The following PCDHAC1 variants were observed in gnomAD, a reference collection of about 807,000 sequenced individuals.
PCDHAC1 encodes the protein protocadherin alpha-C1.
In PCDHAC1, 42 loss-of-function variants were observed where a neutral mutation model predicts 60.0. The observed-to-expected ratio is 0.70, with a 90% CI of 0.55 to 0.90. The LOEUF (loss-of-function observed/expected upper bound fraction) is 0.90, where lower values mean the gene tolerates loss of function less well. Among genes scored for constraint, PCDHAC1 ranks in the 40% least tolerant of loss-of-function variants. PCDHAC1 has a pLI of 0.00. For synonymous variants in PCDHAC1, 468 were observed against 499.3 expected, an observed-to-expected ratio of 0.94 and a Z score of 0.84; for missense variants, 1,160 against 1,222.3, an observed-to-expected ratio of 0.95 and a Z score of 0.76.
chr5:140,935,995 C>T (rs1282709145), intron 1 of PCDHAC1, among the ~76,000 whole-genome samples: 7 of 150,888 alleles, frequency 4.6e-5, no homozygotes, highest in South Asian at 2.1e-4. Context: ...CGGGTTCAAG[C>T]GATTCTCCCA....
chr5:140,967,757 T>C, intron 1 of PCDHAC1: 1 of 1,614,216 alleles, frequency 6.2e-7, no homozygotes, highest in Non-Finnish European at 8.5e-7. Flanking sequence ...AGCCTCCTCC[T>C]ACCAGATCTA....
chr5:141,000,912 A>G (rs1434885581), intron 3 of PCDHAC1, among the ~76,000 whole-genome samples: 1 of 152,194 alleles, frequency 6.6e-6, no homozygotes, highest in East Asian at 1.9e-4. Context: ...TGTCTCTAAA[A>G]AAAAAAATCC....
intron 1 of PCDHAC1, among the ~76,000 whole-genome samples, chr5:140,955,906 G>T (rs1044355938): frequency 2.0e-5 from 3 of 152,040 alleles, no homozygotes; most frequent in East Asian, 3.9e-4. Flanking sequence ...TCTCTTTGTA[G>T]CAATTGTGAA....
intron 3 of PCDHAC1, among the ~76,000 whole-genome samples, chr5:141,003,410 C>T (rs1282162216): frequency 1.3e-5 from 2 of 152,110 alleles, no homozygotes; most frequent in Non-Finnish European, 2.9e-5. Flanking sequence ...CTCCCGGGTT[C>T]GAGTGATTCT....
intron 1 of PCDHAC1, among the ~76,000 whole-genome samples, chr5:140,976,876 G>A (rs1166300025): frequency 6.6e-6 from 1 of 152,160 alleles, no homozygotes; most frequent in Non-Finnish European, 1.5e-5. Flanking sequence ...GACAAAGAAA[G>A]AATTAGGATA....
intron 3 of PCDHAC1, among the ~76,000 whole-genome samples, chr5:140,988,127 C>T (rs1285717954): frequency 2.0e-5 from 3 of 152,120 alleles, no homozygotes; most frequent in African/African-American, 7.2e-5. Flanking sequence ...GCATGCTGTT[C>T]CACTAACCTG....
intron 3 of PCDHAC1, among the ~76,000 whole-genome samples, chr5:140,999,171 C>T (rs1482438264): frequency 1.3e-5 from 2 of 152,054 alleles, no homozygotes; most frequent in African/African-American, 4.8e-5. Context: ...AGGAAAAGAG[C>T]CTGATGGGGA....
At chr5:140,996,296 T>C (rs1252218880) in intron 3 of PCDHAC1, among the ~76,000 whole-genome samples, 1 of 152,158 alleles carries the variant, frequency 6.6e-6, no homozygotes, top group African/African-American at 2.4e-5. Context: ...GAAGCACAGA[T>C]TGTAACAAAG....
At chr5:140,998,054 A>G (rs562918919) in intron 3 of PCDHAC1, among the ~76,000 whole-genome samples, 37 of 152,304 alleles carry the variant, frequency 2.4e-4, no homozygotes, top group African/African-American at 8.9e-4. Flanking sequence ...CAGTGACATC[A>G]TCATCAACAG....
intron 1 of PCDHAC1, among the ~76,000 whole-genome samples, chr5:140,941,193 TTCTTTCTTC>T (rs1563183581): frequency 8.6e-6 from 1 of 116,638 alleles, no homozygotes; most frequent in Non-Finnish European, 1.8e-5. Flanking sequence ...TTCTTTTTTT[TTCTTTCTTC>T]CTTTCTTTCT....
intron 1 of PCDHAC1, among the ~76,000 whole-genome samples, chr5:140,954,144 A>G (rs560378033): frequency 2.0e-5 from 3 of 152,232 alleles, no homozygotes; most frequent in Non-Finnish European, 4.4e-5. Flanking sequence ...ATAGTATTCC[A>G]TGGTGTATAT....
rs782461261 is a variant in PCDHAC1 at position 140,928,126 on chromosome 5, C to T, written c.1234C>T (p.Gln412Ter). The T allele has an allele frequency of 1.2e-6, 2 of 1,614,176 alleles. No homozygotes were observed. Among genetic ancestry groups the T allele is most frequent in the Non-Finnish European group, 1.7e-6 (2 of 1,180,014 alleles). Residue 412 changes from glutamine (Q) to a stop codon, truncating the protein, a stop_gained, in exon 1 of 4, where the codon CAA becomes TAA. Transcript: ENST00000253807. LOFTEE classifies it high-confidence loss of function. ...PLDREQISEY[Q>*]VLITASDSGS... is the part of the protein sequence containing the mutation. Reference sequence around the variant, plus strand: ...GGACCGGGAGCAGATCAGTGAATACCAAGTCCTGATCACGGCCTCAGATAG... The same window carrying T: ...GGACCGGGAGCAGATCAGTGAATACTAAGTCCTGATCACGGCCTCAGATAG...
In PCDHAC1 at chr5:141,011,249, G is replaced by A. The variant is rs1159894108; in HGVS notation, c.*1312G>A. The A allele has an allele frequency of 6.5e-6, 1 of 153,682 alleles. No homozygotes were observed. The highest frequency in any genetic ancestry group is 1.5e-5 in the Non-Finnish European group (1 of 68,038). The allele number at this position is 153,682 out of a possible 1,614,324, so 9.5% of individuals were successfully genotyped here. On this transcript the variant is annotated 3_prime_UTR_variant, in exon 4 of 4. Coordinates refer to ENST00000253807, the MANE Select transcript of PCDHAC1 (RefSeq NM_018898.5). ...TACTAATTCTGTGACTTGTCTTGGT[G>A]TGCTAGCCTACACCTTCTCTTTGGT... is the stretch of plus-strand genomic sequence containing the variant.
Position 140,956,288 on chromosome 5 carries a change from C to A in PCDHAC1, c.2434-22661C>A, listed in dbSNP as rs115259112. The stretch of plus-strand genomic sequence containing the variant: ...AGTGTGGTATTGGCTGTGGGTTTAT[C>A]ATATATATGGCTCTTATTATTTTGA... On this transcript the variant is annotated intron_variant, in intron 1 of 3. Transcript: ENST00000253807. Among the ~76,000 whole-genome samples, 994 of 152,174 alleles carry A rather than the reference C, an allele frequency of 6.5e-3. 6 individuals carry two copies. Among genetic ancestry groups the A allele is most frequent in the African/African-American group, 0.022 (916 of 41,532 alleles).
rs1220733947 is a variant in PCDHAC1, at chr5:140,926,371, G to A, written c.-522G>A. The A allele has an allele frequency of 6.6e-6, 1 of 152,352 alleles. No individual in the cohort carries two copies. The highest frequency in any genetic ancestry group is 1.9e-4 in the East Asian group (1 of 5,186). The allele number at this position is 152,352 out of a possible 1,614,324, so 9.4% of individuals were successfully genotyped here. A position where few individuals can be genotyped will look rare whatever the true frequency, so the allele number is the denominator to read the frequency against. On this transcript the variant is annotated 5_prime_UTR_variant, in exon 1 of 4. Coordinates refer to ENST00000253807, the MANE Select transcript of PCDHAC1 (RefSeq NM_018898.5). Reference sequence around the variant, plus strand: ...CGCGGCTCCCAAAGGGCGGCAGGAAGAGCCCAGCTGGGCTCAGCCACAGTT... The same window carrying A: ...CGCGGCTCCCAAAGGGCGGCAGGAAAAGCCCAGCTGGGCTCAGCCACAGTT...
chr5:140,967,700 G>A lies in PCDHAC1; in HGVS notation c.2434-11249G>A. ...GGAGAGGCAGCTCTTCAGCATAGAT[G>A]CCAGTACCGGGGAAGTGCGAGTAAT... On this transcript the variant is annotated intron_variant, in intron 1 of 3. Transcript: ENST00000253807. 4 of 1,614,196 alleles carry A rather than the reference G, an allele frequency of 2.5e-6. No homozygotes were observed. In the South Asian group the frequency reaches 4.4e-5, roughly 18 times the overall value.
At chr5:140,968,640 C>T (rs2096260908) in intron 1 of PCDHAC1, 1 of 1,614,038 alleles carries the variant, frequency 6.2e-7, no homozygotes, top group Admixed American at 1.7e-5. Context: ...TACCATCTAG[C>T]CCAGACTTCT....
chr5:140,977,872 T>A (rs1554238851), intron 1 of PCDHAC1, among the ~76,000 whole-genome samples: 1 of 152,258 alleles, frequency 6.6e-6, no homozygotes, highest in African/African-American at 2.4e-5. Flanking sequence ...ATGGTAAGTA[T>A]AATGTAGAGG....
At chr5:140,990,395 G>A (rs916362624) in intron 3 of PCDHAC1, among the ~76,000 whole-genome samples, 1 of 152,116 alleles carries the variant, frequency 6.6e-6, no homozygotes, top group Non-Finnish European at 1.5e-5. Flanking sequence ...GTTCCAAGAA[G>A]GTTCACCAGC....
Sources: allele counts gnomAD v4.1 joint callset (sites outside exome capture counted in the v4.1 genomes callset), GRCh38; gene constraint gnomAD v4.1.1; transcripts MANE v1.5; gene names NCBI Gene and HGNC (gene_info 2026-07-23, HGNC 2026-07-21).